Variants in NDRG3 observed in about 807,000 individuals in gnomAD.
NDRG3 encodes protein NDRG3.
NDRG3 carries 23 observed loss-of-function variants against 57.2 expected under a neutral mutation model. The observed-to-expected ratio is 0.40, with a 90% confidence interval of 0.29 to 0.57. NDRG3 has a LOEUF of 0.57. Ranked by LOEUF, NDRG3 falls within the 20% of genes least tolerant of loss-of-function variation. The pLI is 0.42. For missense variants in NDRG3, 384 were observed against 457.3 expected, an observed-to-expected ratio of 0.84 and a Z score of 1.46; for synonymous variants, 132 against 162.6, an observed-to-expected ratio of 0.81 and a Z score of 1.43.
intron 3 of NDRG3, among the ~76,000 whole-genome samples, chr20:36,689,544 A>T (rs1478170613): frequency 6.6e-6 from 1 of 152,140 alleles, no homozygotes; most frequent in African/African-American, 2.4e-5. Flanking sequence ...CTATGGGTGT[A>T]TCTGCCTAGG....
At chr20:36,733,312 A>C (rs1316124587) in intron 1 of NDRG3, among the ~76,000 whole-genome samples, 2 of 151,538 alleles carry the variant, frequency 1.3e-5, no homozygotes, top group African/African-American at 4.8e-5. Flanking sequence ...TCCCATGACC[A>C]AGTTTGGCCT....
In NDRG3 at chr20:36,680,796, C is replaced by T. The variant is rs770598557; in HGVS notation, c.531+20G>A. The T allele has an allele frequency of 7.5e-6, 12 of 1,605,696 alleles. No homozygotes were observed. In the South Asian group the frequency reaches 1.2e-4, roughly 16 times the overall value. On this transcript the variant is annotated intron_variant, in intron 8 of 15. Coordinates refer to ENST00000349004, the MANE Select transcript of NDRG3 (RefSeq NM_032013.4). The stretch of plus-strand genomic sequence containing the variant: ...AGATGGGCCAAGATAAGCCGATGGA[C>T]ACCTTCATGTGGTACTTACTTTGGA...
chr20:36,657,683 A>C (rs1978803677), intron 13 of NDRG3, among the ~76,000 whole-genome samples: 1 of 152,200 alleles, frequency 6.6e-6, no homozygotes, highest in South Asian at 2.1e-4. Context: ...CCATGGTTTC[A>C]ATTCACTGGC....
chr20:36,733,156 AAAAAAAAAAAAAAAAATATATATATAT>A (rs1350853097), intron 1 of NDRG3, among the ~76,000 whole-genome samples: 3 of 45,188 alleles, frequency 6.6e-5, no homozygotes, highest in African/African-American at 3.6e-4. Context: ...CAAAAAAAAA[AAAAAAAAAAAAAAAAATATATATATAT>A]ATATATATAT....
intron 2 of NDRG3, among the ~76,000 whole-genome samples, chr20:36,712,588 T>TA (rs1555804489): frequency 7.1e-3 from 77 of 10,790 alleles, no homozygotes; most frequent in Non-Finnish European, 0.01. Flanking sequence ...TATATATATA[T>TA]TTTTTTTTTT....
At chr20:36,723,727 G>C (rs1350421234) in intron 1 of NDRG3, among the ~76,000 whole-genome samples, 2 of 143,344 alleles carry the variant, frequency 1.4e-5, no homozygotes, top group African/African-American at 5.2e-5. Context: ...TTTTTTTTGA[G>C]ACCTAGTCTT....
At chr20:36,665,952 A>T (rs528250256) in intron 10 of NDRG3, among the ~76,000 whole-genome samples, 1 of 152,194 alleles carries the variant, frequency 6.6e-6, no homozygotes, top group African/African-American at 2.4e-5. Context: ...CACTTTGAGG[A>T]GGGGGGAGGG....
intron 1 of NDRG3, among the ~76,000 whole-genome samples, chr20:36,743,205 C>T (rs76218622): frequency 6.6e-6 from 1 of 152,132 alleles, no homozygotes; most frequent in Non-Finnish European, 1.5e-5. Context: ...TAGAATAAAA[C>T]AAAAGCAGCC....
intron 8 of NDRG3, among the ~76,000 whole-genome samples, chr20:36,672,006 G>A (rs1980218770): frequency 6.6e-6 from 1 of 152,098 alleles, no homozygotes; most frequent in African/African-American, 2.4e-5. Flanking sequence ...ACGGCTGTTT[G>A]CTACTTTATT....
chr20:36,688,856 C>T (rs1982019851), intron 3 of NDRG3, 72 bp from the exon 4 acceptor site: 1 of 1,046,398 alleles, frequency 9.6e-7, no homozygotes, highest in East Asian at 2.4e-5. Context: ...TTCACAATAC[C>T]TGCTTTACCA....
intron 9 of NDRG3, chr20:36,668,720 T>C (rs1416754535): frequency 6.6e-6 from 1 of 151,828 alleles, no homozygotes; most frequent in Non-Finnish European, 1.5e-5. Flanking sequence ...CAATCCACTA[T>C]GACCTCATAT....
chr20:36,658,001 T>C (rs981836361), intron 13 of NDRG3, among the ~76,000 whole-genome samples: 2 of 152,238 alleles, frequency 1.3e-5, no homozygotes, highest in Non-Finnish European at 2.9e-5. Context: ...TTATCCACTC[T>C]ATTCTATGGT....
intron 1 of NDRG3, among the ~76,000 whole-genome samples, chr20:36,726,860 C>T (rs575717942): frequency 2.0e-5 from 3 of 151,850 alleles, no homozygotes; most frequent in African/African-American, 7.2e-5. Flanking sequence ...ATTATAATCT[C>T]GGCACCTTAT....
intron 12 of NDRG3, among the ~76,000 whole-genome samples, chr20:36,662,795 G>C (rs1387583024): frequency 2.6e-5 from 4 of 152,120 alleles, no homozygotes; most frequent in Non-Finnish European, 5.9e-5. Flanking sequence ...TATAGACAGG[G>C]CTCCAGAATT....
intron 2 of NDRG3, among the ~76,000 whole-genome samples, chr20:36,714,106 C>G (rs372285614): frequency 6.6e-6 from 1 of 151,956 alleles, no homozygotes; most frequent in Non-Finnish European, 1.5e-5. Context: ...AAATCATCAG[C>G]AGGGCCGTGC....
At chr20:36,742,649 A>G (rs1985977107) in intron 1 of NDRG3, among the ~76,000 whole-genome samples, 1 of 152,198 alleles carries the variant, frequency 6.6e-6, no homozygotes, top group Non-Finnish European at 1.5e-5. Context: ...ATGTAGGAAT[A>G]TCTTATTCCA....
chr20:36,685,262 G>C (rs1325280661), intron 5 of NDRG3, among the ~76,000 whole-genome samples: 2 of 151,618 alleles, frequency 1.3e-5, no homozygotes, highest in South Asian at 4.2e-4. Context: ...GTTTCACTTA[G>C]GCATAGAATA....
chr20:36,717,953 C>T (rs1984370585), intron 2 of NDRG3, among the ~76,000 whole-genome samples: 1 of 152,162 alleles, frequency 6.6e-6, no homozygotes, highest in Admixed American at 6.6e-5. Flanking sequence ...AACAATTATC[C>T]AACCCAAAAC....
intron 1 of NDRG3, among the ~76,000 whole-genome samples, chr20:36,735,166 C>T (rs923764503): frequency 6.6e-6 from 1 of 152,046 alleles, no homozygotes; most frequent in African/African-American, 2.4e-5. Flanking sequence ...AACAATACAC[C>T]ATATCACACG....
Sources: gnomAD v4.1 joint callset for allele counts (sites outside exome capture counted in the v4.1 genomes callset) on GRCh38, gnomAD v4.1.1 for gene constraint, MANE v1.5 for transcripts, NCBI Gene and HGNC (gene_info 2026-07-23, HGNC 2026-07-21) for gene names.